HPSE2: variants seen among roughly 807,000 people sequenced by gnomAD.
The protein encoded by HPSE2 is inactive heparanase-2.
In HPSE2, 38 loss-of-function variants were observed where a neutral mutation model predicts 60.5. The ratio of observed to expected loss-of-function variants is 0.63; its 90% CI spans 0.48 to 0.82. The LOEUF (loss-of-function observed/expected upper bound fraction) is 0.82. HPSE2 is among the 40% of genes least tolerant of loss of function. The pLI is 0.00. For synonymous variants in HPSE2, 295 were observed against 293.2 expected, an observed-to-expected ratio of 1.01 and a Z score of -0.06; for missense variants, 713 against 740.4, an observed-to-expected ratio of 0.96 and a Z score of 0.43.
intron 3 of HPSE2, among the ~76,000 whole-genome samples, chr10:99,140,684 G>A (rs991185346): frequency 6.6e-6 from 1 of 152,192 alleles, no homozygotes; most frequent in African/African-American, 2.4e-5. Context: ...GCAAGGTTAA[G>A]GGAGACAACT....
At chr10:99,264,909 C>T in the HPSE2 span, among the ~76,000 whole-genome samples, 100 of 152,198 alleles carry the variant, frequency 6.6e-4, no homozygotes, top group Middle Eastern at 3.4e-3. Flanking sequence ...AAACATCGCC[C>T]GTTATCTCTC....
rs1246250766 is a variant in HPSE2 at position 98,887,235 on chromosome 10, G to A, written c.611-143179C>T. Reference sequence around the variant, plus strand: ...TTAATACTGACTAAATTCCAAGACTGGATCTCAGTTTATCTCAATTTCCTC... The same window carrying A: ...TTAATACTGACTAAATTCCAAGACTAGATCTCAGTTTATCTCAATTTCCTC... On this transcript the variant is annotated intron_variant, in intron 3 of 11. Coordinates refer to ENST00000370552, the MANE Select transcript of HPSE2 (RefSeq NM_021828.5). 2.0e-5 allele frequency among the ~76,000 whole-genome samples: 3 copies of A among 152,162 alleles called. No homozygotes were observed. The South Asian group carries it at 6.2e-4, about 32-fold the overall frequency.
chr10:98,672,175 T>G (rs565372782), intron 6 of HPSE2, among the ~76,000 whole-genome samples: 82 of 152,300 alleles, frequency 5.4e-4, no homozygotes, highest in African/African-American at 1.8e-3. Flanking sequence ...TACCCTTAAC[T>G]TTGCTTCTTT....
At chr10:98,715,449 G>T (rs2134231832) in intron 5 of HPSE2, among the ~76,000 whole-genome samples, 1 of 151,750 alleles carries the variant, frequency 6.6e-6, no homozygotes. Context: ...TTCTTCTTGG[G>T]TCAATTGTTT....
intron 3 of HPSE2, among the ~76,000 whole-genome samples, chr10:98,936,291 C>T (rs749570477): frequency 1.4e-5 from 2 of 143,900 alleles, no homozygotes; most frequent in African/African-American, 5.6e-5. Flanking sequence ...TGGCTTCATC[C>T]CCCTTTCCAC....
intron 6 of HPSE2, among the ~76,000 whole-genome samples, chr10:98,671,142 GAACT>G (rs1404294024): frequency 6.6e-6 from 1 of 152,180 alleles, no homozygotes; most frequent in Non-Finnish European, 1.5e-5. Context: ...TTTGAAGGCA[GAACT>G]AACAAGATTT....
chr10:99,218,129 G>A (rs1389867524), intron 2 of HPSE2, among the ~76,000 whole-genome samples: 4 of 151,820 alleles, frequency 2.6e-5, no homozygotes, highest in African/African-American at 9.7e-5. Flanking sequence ...CAACAACAGG[G>A]ATAAAAAGAA....
chr10:99,296,339 C>G, the HPSE2 span, among the ~76,000 whole-genome samples: 1 of 152,322 alleles, frequency 6.6e-6, no homozygotes, highest in East Asian at 1.9e-4. Context: ...AGGGTGGAAG[C>G]AGCTTTCAAT....
intron 3 of HPSE2, among the ~76,000 whole-genome samples, chr10:98,895,827 T>A (rs905912077): frequency 2.0e-5 from 3 of 149,228 alleles, no homozygotes; most frequent in Admixed American, 6.7e-5. Context: ...CAGTAAACTA[T>A]CACAAGGACA....
intron 3 of HPSE2, among the ~76,000 whole-genome samples, chr10:98,920,190 T>G (rs531894563): frequency 1.4e-4 from 22 of 152,166 alleles, no homozygotes; most frequent in Non-Finnish European, 2.8e-4. Context: ...ATGTGGGATT[T>G]CTATAATGGG....
intron 6 of HPSE2, among the ~76,000 whole-genome samples, chr10:98,654,799 A>C (rs1261386563): frequency 6.6e-5 from 10 of 152,084 alleles, no homozygotes; most frequent in Non-Finnish European, 1.5e-4. Flanking sequence ...TGACATGCTG[A>C]ATTAGGTAAT....
At chr10:98,597,939 C>A (rs1187346529) in intron 9 of HPSE2, among the ~76,000 whole-genome samples, 2 of 141,482 alleles carry the variant, frequency 1.4e-5, no homozygotes, top group East Asian at 2.1e-4. Flanking sequence ...CCACTGCACT[C>A]CAGCCTGGGT....
chr10:98,499,517 A>G (rs1396410668), intron 9 of HPSE2, among the ~76,000 whole-genome samples: 1 of 152,234 alleles, frequency 6.6e-6, no homozygotes, highest in African/African-American at 2.4e-5. Flanking sequence ...GAACTTTGAA[A>G]CAAATCCTGG....
chr10:99,069,153 G>C (rs965278746), intron 3 of HPSE2, among the ~76,000 whole-genome samples: 7 of 152,122 alleles, frequency 4.6e-5, no homozygotes, highest in Admixed American at 4.6e-4. Context: ...AAACCCAGTT[G>C]AAACAAAACC....
At chr10:98,882,553 A>T (rs1953053067) in intron 3 of HPSE2, among the ~76,000 whole-genome samples, 1 of 151,994 alleles carries the variant, frequency 6.6e-6, no homozygotes, top group South Asian at 2.1e-4. Flanking sequence ...CTTATAGAAG[A>T]TCATTAGAGT....
intron 9 of HPSE2, among the ~76,000 whole-genome samples, chr10:98,597,970 CAAAAAAAAA>C (rs571184082): frequency 5.4e-5 from 3 of 55,154 alleles, no homozygotes; most frequent in East Asian, 1.0e-3. Context: ...GACTCCATCT[CAAAAAAAAA>C]AAAAAAAAAA....
chr10:98,897,581 G>A (rs754652451), intron 3 of HPSE2, among the ~76,000 whole-genome samples: 16 of 151,898 alleles, frequency 1.1e-4, no homozygotes, highest in Non-Finnish European at 1.9e-4. Context: ...TTAATAAACC[G>A]GCAAAGGCAA....
intron 3 of HPSE2, among the ~76,000 whole-genome samples, chr10:98,824,211 T>A (rs953653169): frequency 6.6e-6 from 1 of 152,048 alleles, no homozygotes; most frequent in Non-Finnish European, 1.5e-5. Context: ...TTAAAGTCAA[T>A]AAGAAGATAA....
intron 2 of HPSE2, among the ~76,000 whole-genome samples, chr10:99,185,073 G>A (rs1847952180): frequency 6.6e-6 from 1 of 151,706 alleles, no homozygotes; most frequent in African/African-American, 2.4e-5. Flanking sequence ...GCTAAGGCTG[G>A]CAGATCACCT....
Sources: allele counts gnomAD v4.1 joint callset (sites outside exome capture counted in the v4.1 genomes callset), GRCh38; gene constraint gnomAD v4.1.1; transcripts MANE v1.5; gene names NCBI Gene and HGNC (gene_info 2026-07-23, HGNC 2026-07-21).